Variants in ADGRD1 observed in about 807,000 individuals in gnomAD.
The protein encoded by ADGRD1 is adhesion G protein-coupled receptor D1, also known as G-protein coupled receptor 133.
A neutral mutation model predicts 113.4 loss-of-function variants in ADGRD1; 77 were observed. The observed-to-expected ratio is 0.68, with a 90% CI of 0.57 to 0.82. The LOEUF (loss-of-function observed/expected upper bound fraction) is 0.82, where lower values mean the gene tolerates loss of function less well. Ranked by LOEUF, ADGRD1 falls within the 40% of genes least tolerant of loss-of-function variation. The pLI is 0.00. For missense variants in ADGRD1, 1,036 were observed against 1,139.1 expected (o/e 0.91, Z 1.30); for synonymous variants, 474 against 475.0 (o/e 1.00, Z 0.03).
chr12:130,960,097 A>G (rs957097800), intron 2 of ADGRD1, among the ~76,000 whole-genome samples: 1 of 152,230 alleles, frequency 6.6e-6, no homozygotes, highest in African/African-American at 2.4e-5. Flanking sequence ...TGAATCCATA[A>G]ATGGCACTGG....
chr12:131,118,651 G>A (rs1031115130), intron 19 of ADGRD1, among the ~76,000 whole-genome samples, 200 bp downstream of exon 19: 4 of 152,214 alleles, frequency 2.6e-5, no homozygotes, highest in Non-Finnish European at 5.9e-5. Flanking sequence ...ACATTTTGGG[G>A]CCTCGGAACT....
intron 12 of ADGRD1, among the ~76,000 whole-genome samples, chr12:131,011,986 C>T (rs974571163): frequency 2.6e-5 from 4 of 152,282 alleles, no homozygotes; most frequent in Admixed American, 6.5e-5. Flanking sequence ...TCTGCGGCCT[C>T]GAGCCCACCC....
chr12:131,057,600 G>A lies in ADGRD1; in HGVS notation c.1474-19201G>A, dbSNP rs1323832318. 1.3e-5 allele frequency among the ~76,000 whole-genome samples: 2 copies of A among 152,102 alleles called. No homozygotes were observed. The highest frequency in any genetic ancestry group is 2.9e-5 in the Non-Finnish European group (2 of 68,014). On this transcript the variant is annotated intron_variant, in intron 13 of 24. Coordinates refer to ENST00000261654, the MANE Select transcript of ADGRD1 (RefSeq NM_198827.5). This position sits in a 1 kb window ranked among gnomAD's most constrained non-coding sequence, Gnocchi z 4.2. The stretch of plus-strand genomic sequence containing the variant: ...TCCAGTCTCTGCCCCGTCTCCCCAC[G>A]GCCTCCTCTTCCGTGTGTCATTGTC...
Position 131,136,979 on chromosome 12 carries a change from T to C in ADGRD1, c.2401T>C (p.Phe801Leu). ...FATLNSLQGLFIFLFHCLLNS... is the reference protein window; with the variant it reads ...FATLNSLQGLLIFLFHCLLNS... The stretch of plus-strand genomic sequence containing the variant: ...TTCTTCCCTTTCTTCCCAGGGACTG[T>C]TCATATTCCTCTTTCATTGTCTCCT... The change falls in exon 23 of 25, where the codon TTC (phenylalanine) becomes CTC (leucine). Residue 801 changes from phenylalanine (F) to leucine (L), a missense_variant. Physicochemically the swap from Phe to Leu is conservative, Grantham distance 22. Transcript: ENST00000261654. 1 of 1,611,280 alleles carries C rather than the reference T, an allele frequency of 6.2e-7. No homozygotes were observed. The highest frequency in any genetic ancestry group is 2.2e-5 in the East Asian group (1 of 44,850).
chr12:131,035,361 C>T (rs201285208), intron 13 of ADGRD1: 11 of 152,378 alleles, frequency 7.2e-5, no homozygotes, highest in African/African-American at 1.9e-4. Context: ...CTGACGTGCA[C>T]GGCGTGTGCC....
Position 131,104,827 on chromosome 12 carries a change from G to T in ADGRD1, c.1672-4G>T. 6.5e-7 allele frequency: 1 copy of T among 1,545,024 alleles called. No individual in the cohort carries two copies. On this transcript the variant is annotated splice_polypyrimidine_tract_variant and splice_region_variant and intron_variant, in intron 15 of 24. Coordinates refer to ENST00000261654, the MANE Select transcript of ADGRD1 (RefSeq NM_198827.5). ...TGCTGACGCCTCTGCTCTGCTCCCC[G>T]CAGCTTGCACGCGGACACCAGGTGG...
In ADGRD1 at chr12:130,999,045, T is replaced by C. The variant is rs10848264; in HGVS notation, c.967-1338T>C. Among the ~76,000 whole-genome samples, 335 of 152,342 alleles carry C rather than the reference T, an allele frequency of 2.2e-3. 1 individual carries two copies. The highest frequency in any genetic ancestry group is 7.7e-3 in the African/African-American group (322 of 41,580). On this transcript the variant is annotated intron_variant, in intron 8 of 24. Transcript: ENST00000261654. ...GCTAAGTAAAAATACATTATTAAAATTAGTTTCACCTTTTTTATTCTACTT... is the reference window on the plus strand; with the variant it reads ...GCTAAGTAAAAATACATTATTAAAACTAGTTTCACCTTTTTTATTCTACTT...
intron 12 of ADGRD1, among the ~76,000 whole-genome samples, chr12:131,011,497 C>G (rs1451222185): frequency 6.6e-6 from 1 of 152,122 alleles, no homozygotes; most frequent in East Asian, 1.9e-4. Context: ...CACGTGTGTG[C>G]TGAGCACCCA....
At chr12:131,021,430 G>A (rs1295025265) in intron 13 of ADGRD1, among the ~76,000 whole-genome samples, 1 of 152,122 alleles carries the variant, frequency 6.6e-6, no homozygotes, top group Non-Finnish European at 1.5e-5. Context: ...GTCACTGTCC[G>A]ATGCTTCCTC....
Position 131,077,558 on chromosome 12 carries a change from TC to T in ADGRD1, c.1547+687del, listed in dbSNP as rs60726332. Among the ~76,000 whole-genome samples, 1,024 of 151,922 alleles carry T rather than the reference TC, an allele frequency of 6.7e-3. 11 individuals carry two copies. Among genetic ancestry groups the T allele is most frequent in the African/African-American group, 0.024 (974 of 41,404 alleles). Reference sequence around the variant, plus strand: ...TAGACGTGAGCCCACCGTGAATGGCTCCCACAGTCACAGCGGTGTTGAAAAC... The same window carrying T: ...TAGACGTGAGCCCACCGTGAATGGCTCCACAGTCACAGCGGTGTTGAAAAC... On this transcript the variant is annotated intron_variant, in intron 14 of 24. Transcript: ENST00000261654.
In ADGRD1 at chr12:130,984,570, C is replaced by T. The variant is rs912517146; in HGVS notation, c.490+2507C>T. On this transcript the variant is annotated intron_variant, in intron 5 of 24. Coordinates refer to ENST00000261654, the MANE Select transcript of ADGRD1 (RefSeq NM_198827.5). This position sits in a 1 kb window ranked among gnomAD's most constrained non-coding sequence, Gnocchi z 4.1. The stretch of plus-strand genomic sequence containing the variant: ...GCCTCTACACAGGCACAGCTTCCCC[C>T]ACTATGGACATTCCCCCACCAGAAT... Among the ~76,000 whole-genome samples the T allele has an allele frequency of 6.6e-6, 1 of 152,154 alleles. No individual in the cohort carries two copies. Among genetic ancestry groups the T allele is most frequent in the Admixed American group, 6.5e-5 (1 of 15,282 alleles).
chr12:130,990,222 T>C (rs1057038338), intron 6 of ADGRD1: 14 of 152,218 alleles, frequency 9.2e-5, no homozygotes, highest in African/African-American at 3.4e-4. Context: ...ACCTTCTGCG[T>C]TCACCAGCAG....
rs1950223433 is a variant in ADGRD1 at position 131,105,787 on chromosome 12, C to A, written c.1809C>A (p.His603Gln). Reference sequence around the variant, plus strand: ...GCACCATCCGGAACCAGCGCTACCACATCCACGCCAACCTGTCCTTCGCCG... The same window carrying A: ...GCACCATCCGGAACCAGCGCTACCAAATCCACGCCAACCTGTCCTTCGCCG... Reference protein sequence around the residue: ...SVSTIRNQRYHIHANLSFAVL... With the variant: ...SVSTIRNQRYQIHANLSFAVL... Residue 603 changes from histidine to glutamine, a missense_variant, in exon 17 of 25, where the codon CAC becomes CAA. By Grantham distance (24) the His-to-Gln change is conservative. Coordinates refer to ENST00000261654, the MANE Select transcript of ADGRD1 (RefSeq NM_198827.5). 2 of 1,601,334 alleles carry A rather than the reference C, an allele frequency of 1.2e-6. No individual in the cohort carries two copies. The highest frequency in any genetic ancestry group is 1.7e-6 in the Non-Finnish European group (2 of 1,179,952).
In ADGRD1 at chr12:130,960,545, T is replaced by C. The variant is rs151171068; in HGVS notation, c.103+5885T>C. Among the ~76,000 whole-genome samples, 23 of 143,644 alleles carry C rather than the reference T, an allele frequency of 1.6e-4. No homozygotes were observed. In the East Asian group the frequency reaches 3.5e-3, roughly 22 times the overall value. 94.2% of individuals were successfully genotyped at this position (143,644 alleles called of 152,430 possible). Reference sequence around the variant, plus strand: ...GAATTATACAGATAATTATATTCTATGTTTATTGATTTATTTATTTATTTT... The same window carrying C: ...GAATTATACAGATAATTATATTCTACGTTTATTGATTTATTTATTTATTTT... On this transcript the variant is annotated intron_variant, in intron 2 of 24. Coordinates refer to ENST00000261654, the MANE Select transcript of ADGRD1 (RefSeq NM_198827.5).
chr12:131,012,833 T>C (rs1166213363), intron 12 of ADGRD1, among the ~76,000 whole-genome samples: 4 of 152,154 alleles, frequency 2.6e-5, no homozygotes, highest in Non-Finnish European at 5.9e-5. Flanking sequence ...GCGCTTTGGA[T>C]GGTGGACGGG....
At chr12:131,137,976 C>G (rs985166938) in intron 23 of ADGRD1, 161 bp from the exon 24 acceptor site, 1 of 643,276 alleles carries the variant, frequency 1.6e-6, no homozygotes, top group East Asian at 2.8e-5. Context: ...CACAGAGCAG[C>G]GATGCACAGC....
Position 131,076,849 on chromosome 12 carries a change from G to C in ADGRD1, c.1522G>C (p.Val508Leu), listed in dbSNP as rs11833801. Residue 508 changes from valine to leucine, a missense_variant, in exon 14 of 25, where the codon GTG (valine) becomes CTG (leucine). By Grantham distance (32) the Val-to-Leu change is conservative. Coordinates refer to ENST00000261654, the MANE Select transcript of ADGRD1 (RefSeq NM_198827.5). ...EATNSSNRVFVYCAFLDFSSG... is the reference protein window; with the variant it reads ...EATNSSNRVFLYCAFLDFSSG... ...CACCAACAGCAGCAACCGAGTCTTC[G>C]TGTACTGCGCCTTCCTGGACTTCAG... The C allele has an allele frequency of 1.9e-6, 3 of 1,614,004 alleles. No homozygotes were observed. The highest frequency in any genetic ancestry group is 2.5e-6 in the Non-Finnish European group (3 of 1,179,992).
intron 20 of ADGRD1, 27 bp downstream of exon 20, chr12:131,120,940 G>A: frequency 6.2e-7 from 1 of 1,607,404 alleles, no homozygotes. Flanking sequence ...TGTGGGCGCA[G>A]AGCGGGGCTG....
intron 13 of ADGRD1, among the ~76,000 whole-genome samples, chr12:131,014,554 T>C (rs34137689): frequency 0.079 from 12,023 of 152,122 alleles, 639 homozygotes; most frequent in Middle Eastern, 0.12. Context: ...GGCCACGCGG[T>C]GTCGATGTTG....
Sources: allele counts gnomAD v4.1 joint callset (sites outside exome capture counted in the v4.1 genomes callset), GRCh38; gene constraint gnomAD v4.1.1; non-coding constraint Gnocchi (gnomAD v3.1); transcripts MANE v1.5; gene names NCBI Gene and HGNC (gene_info 2026-07-23, HGNC 2026-07-21).